Variants in ESRRB observed in about 807,000 individuals in gnomAD.
ESRRB encodes estrogen related receptor beta.
ESRRB carries 16 observed loss-of-function variants against 46.0 expected under a neutral mutation model. The observed-to-expected ratio is 0.35, with a 90% CI of 0.24 to 0.53. ESRRB has a LOEUF of 0.53. Ranked by LOEUF, ESRRB falls within the 20% of genes least tolerant of loss-of-function variation. The pLI is 0.93. For missense variants in ESRRB, 488 were observed against 607.4 expected (o/e 0.80, Z 2.07); for synonymous variants, 246 against 259.6 (o/e 0.95, Z 0.50).
intron 3 of ESRRB, among the ~76,000 whole-genome samples, chr14:76,473,261 T>G (rs1474973118): frequency 1.3e-5 from 2 of 152,202 alleles, no homozygotes; most frequent in Non-Finnish European, 2.9e-5. Flanking sequence ...GAGATACGGG[T>G]ATGAAATAGA....
chr14:76,319,446 G>C (rs954826134), intron 1 of ESRRB, among the ~76,000 whole-genome samples: 1 of 152,118 alleles, frequency 6.6e-6, no homozygotes, highest in African/African-American at 2.4e-5. Context: ...TTGTGCACAC[G>C]TGTGCACATT....
chr14:76,495,067 T>C (rs545537127), intron 6 of ESRRB, among the ~76,000 whole-genome samples: 117 of 146,828 alleles, frequency 8.0e-4, no homozygotes, highest in African/African-American at 2.7e-3. Flanking sequence ...TGCACATACA[T>C]ACACACCCAC....
At chr14:76,412,812 G>T (rs1353318809) in intron 1 of ESRRB, among the ~76,000 whole-genome samples, 2 of 152,158 alleles carry the variant, frequency 1.3e-5, no homozygotes, top group Non-Finnish European at 2.9e-5. Context: ...GGGAAATAAG[G>T]ACAGGATTGT....
rs1887835783 is a variant in ESRRB, at chr14:76,439,678, A to G, written c.388A>G (p.Ile130Val). Residue 130 changes from isoleucine (I) to valine (V), a missense_variant, in exon 2 of 7, where the codon ATT becomes GTT. Coordinates refer to ENST00000644823, the MANE Select transcript of ESRRB (RefSeq NM_001379180.1). ...GCGCCTGTGCCTCGTGTGCGGGGAC[A>G]TTGCCTCTGGCTACCACTACGGCGT... ...PKRLCLVCGD[I>V]ASGYHYGVAS... 4 of 1,614,092 alleles carry G rather than the reference A, an allele frequency of 2.5e-6. No homozygotes were observed. Among genetic ancestry groups the G allele is most frequent in the African/African-American group, 2.7e-5 (2 of 74,934 alleles).
At chr14:76,356,947 G>A (rs1884386121) in intron 1 of ESRRB, among the ~76,000 whole-genome samples, 3 of 152,172 alleles carry the variant, frequency 2.0e-5, no homozygotes, top group Admixed American at 2.0e-4. Flanking sequence ...TGGCCACTAG[G>A]AGCTCCTCTG....
Position 76,376,562 on chromosome 14 carries a change from CG to C in ESRRB, c.50+118del, listed in dbSNP as rs34803646. 0.18 allele frequency: 115,419 copies of C among 655,996 alleles called. 12,095 individuals carry two copies. Among genetic ancestry groups the C allele is most frequent in the Middle Eastern group, 0.22 (446 of 2,060 alleles). The allele number at this position is 655,996 out of a possible 1,614,324, so 40.6% of individuals were successfully genotyped here. On this transcript the variant is annotated intron_variant, in intron 1 of 6. Coordinates refer to ENST00000644823, the MANE Select transcript of ESRRB (RefSeq NM_001379180.1). The surrounding 1 kb of genome is among the most constrained non-coding windows in gnomAD (Gnocchi z 4.1). Reference sequence around the variant, plus strand: ...TCTTGTGTAAAAGTGGAAGGGACTTCGGGGGGGCACTTGGGGGACGAAGGAG... The same window carrying C: ...TCTTGTGTAAAAGTGGAAGGGACTTCGGGGGGCACTTGGGGGACGAAGGAG...
intron 1 of ESRRB, among the ~76,000 whole-genome samples, chr14:76,389,959 T>C (rs1885400116): frequency 6.6e-6 from 1 of 152,170 alleles, no homozygotes; most frequent in African/African-American, 2.4e-5. Context: ...CTGCATTCCA[T>C]GATGACACAC....
In ESRRB at chr14:76,498,640, C is replaced by CT; in HGVS notation, c.*182_*183insT. 4.7e-6 allele frequency: 1 copy of CT among 211,370 alleles called. No individual in the cohort carries two copies. Among genetic ancestry groups the CT allele is most frequent in the Non-Finnish European group, 8.7e-6 (1 of 114,680 alleles). 13.1% of individuals were successfully genotyped at this position (211,370 alleles called of 1,614,324 possible). ...CTCCCGGGTGCAGTGGGGTGGGGGACGGGGATGGGGGGGCAGGGGTGTGGG... is the reference window on the plus strand; with the variant it reads ...CTCCCGGGTGCAGTGGGGTGGGGGACTGGGGATGGGGGGGCAGGGGTGTGGG... On this transcript the variant is annotated 3_prime_UTR_variant, in exon 7 of 7. Transcript: ENST00000644823.
chr14:76,385,542 A>G (rs1885189714), intron 1 of ESRRB, among the ~76,000 whole-genome samples: 1 of 152,186 alleles, frequency 6.6e-6, no homozygotes, highest in African/African-American at 2.4e-5. Context: ...GGGTGGCTTG[A>G]GCGATGCCTT....
At chr14:76,405,561 C>G (rs1391191392) in intron 1 of ESRRB, among the ~76,000 whole-genome samples, 3 of 152,078 alleles carry the variant, frequency 2.0e-5, no homozygotes, top group Admixed American at 2.0e-4. Flanking sequence ...TAGAATGCTT[C>G]CAGGGGGCTT....
rs1165487029 is a variant in ESRRB at position 76,462,771 on chromosome 14, C to A, written c.577+110C>A. 5 of 860,458 alleles carry A rather than the reference C, an allele frequency of 5.8e-6. No homozygotes were observed. In the African/African-American group the frequency reaches 8.3e-5, roughly 14 times the overall value. The allele number at this position is 860,458 out of a possible 1,614,324, so 53.3% of individuals were successfully genotyped here. On this transcript the variant is annotated intron_variant, in intron 3 of 6. Coordinates refer to ENST00000644823, the MANE Select transcript of ESRRB (RefSeq NM_001379180.1). Reference sequence around the variant, plus strand: ...TGGACCTGTGTCCCAGGGTGAGACCCAGTCTGAGCGCCCATCTCCTCCCAC... The same window carrying A: ...TGGACCTGTGTCCCAGGGTGAGACCAAGTCTGAGCGCCCATCTCCTCCCAC...
chr14:76,436,653 A>G (rs1359542916), intron 1 of ESRRB, among the ~76,000 whole-genome samples: 1 of 152,162 alleles, frequency 6.6e-6, no homozygotes, highest in Non-Finnish European at 1.5e-5. Context: ...GGCTCATCAC[A>G]TGCCCCTGCA....
chr14:76,462,501 C>G, intron 2 of ESRRB, 44 bp from the exon 3 acceptor site: 1 of 1,519,094 alleles, frequency 6.6e-7, no homozygotes, highest in Admixed American at 1.7e-5. Flanking sequence ...GGTGGGGGCC[C>G]TGGGCGGCCA....
chr14:76,490,616 C>A (rs1890185330), intron 5 of ESRRB, among the ~76,000 whole-genome samples: 1 of 152,174 alleles, frequency 6.6e-6, no homozygotes, highest in African/African-American at 2.4e-5. Flanking sequence ...AGGGTTCAAC[C>A]CAGGCAATCC....
At chr14:76,332,601 TA>T (rs1331005672) in intron 1 of ESRRB, among the ~76,000 whole-genome samples, 4 of 41,822 alleles carry the variant, frequency 9.6e-5, no homozygotes, top group South Asian at 6.2e-4. Flanking sequence ...TATTATATAT[TA>T]TATATTTATA....
chr14:76,500,563 C>T lies in ESRRB; in HGVS notation c.*2105C>T. ...TGGGGTGTGTGCTTTGGGACTCCCT[C>T]AGTCTCTCACTGTGCTGTGTCCTTG... is the stretch of plus-strand genomic sequence containing the variant. On this transcript the variant is annotated 3_prime_UTR_variant, in exon 7 of 7. Transcript: ENST00000644823. The T allele has an allele frequency of 1.2e-6, 1 of 867,594 alleles. No homozygotes were observed. The highest frequency in any genetic ancestry group is 1.9e-6 in the Non-Finnish European group (1 of 514,972). The allele number at this position is 867,594 out of a possible 1,614,324, so 53.7% of individuals were successfully genotyped here. A position where few individuals can be genotyped will look rare whatever the true frequency, so the allele number is the denominator to read the frequency against.
intron 1 of ESRRB, among the ~76,000 whole-genome samples, chr14:76,435,899 C>T (rs955408059): frequency 2.0e-5 from 3 of 152,180 alleles, no homozygotes; most frequent in African/African-American, 7.2e-5. Context: ...TTACTAGATC[C>T]TCCTGAGTTG....
chr14:76,364,092 G>A (rs959409792), intron 1 of ESRRB, among the ~76,000 whole-genome samples: 1 of 152,106 alleles, frequency 6.6e-6, no homozygotes, highest in African/African-American at 2.4e-5. Context: ...TGCTGCCCCT[G>A]GTCATTGAGT....
chr14:76,460,233 G>C (rs1302108654), intron 2 of ESRRB, among the ~76,000 whole-genome samples: 1 of 152,182 alleles, frequency 6.6e-6, no homozygotes, highest in Non-Finnish European at 1.5e-5. Flanking sequence ...GACCTCAGCC[G>C]CTGGGTCAGC....
Sources: allele counts gnomAD v4.1 joint callset (sites outside exome capture counted in the v4.1 genomes callset), GRCh38; gene constraint gnomAD v4.1.1; non-coding constraint Gnocchi (gnomAD v3.1); transcripts MANE v1.5; gene names NCBI Gene and HGNC (gene_info 2026-07-23, HGNC 2026-07-21).